PTGIS: variants seen among roughly 807,000 people sequenced by gnomAD.
PTGIS encodes the protein prostacyclin synthase.
Under a neutral mutation model 50.3 loss-of-function variants are expected in PTGIS, and 45 were observed. That is an observed-to-expected ratio of 0.90 (90% confidence interval 0.70 to 1.15). PTGIS has a LOEUF of 1.15. Ranked by LOEUF, PTGIS falls within the 50% of genes most tolerant of loss-of-function variation. The pLI is 0.00. For synonymous variants in PTGIS, 260 were observed against 267.7 expected, an observed-to-expected ratio of 0.97 and a Z score of 0.28; for missense variants, 668 against 661.3, an observed-to-expected ratio of 1.01 and a Z score of -0.11.
chr20:49,508,473 C>A lies in PTGIS; in HGVS notation c.1359-409G>T, dbSNP rs759571609. 2.6e-5 allele frequency among the ~76,000 whole-genome samples: 4 copies of A among 152,306 alleles called. No individual in the cohort carries two copies. The South Asian group carries it at 8.3e-4, about 32-fold the overall frequency. ...AGCCCTCCAATCCCACAGCTGATACCGTGTGAGTGGAACTACACCTCTGTT... is the reference window on the plus strand; with the variant it reads ...AGCCCTCCAATCCCACAGCTGATACAGTGTGAGTGGAACTACACCTCTGTT... On this transcript the variant is annotated intron_variant, in intron 9 of 9. Coordinates refer to ENST00000244043, the MANE Select transcript of PTGIS (RefSeq NM_000961.4).
rs114504337 is a variant in PTGIS, at chr20:49,562,864, G to A, written c.74+5179C>T. Among the ~76,000 whole-genome samples the A allele has an allele frequency of 7.3e-3, 1,117 of 152,274 alleles. 12 individuals carry two copies. Among genetic ancestry groups the A allele is most frequent in the African/African-American group, 0.025 (1,047 of 41,556 alleles). On this transcript the variant is annotated intron_variant, in intron 1 of 9. Coordinates refer to ENST00000244043, the MANE Select transcript of PTGIS (RefSeq NM_000961.4). ...GTCACCCGCCTCCATGCCCCCTGAC[G>A]TATCGCATCTTCACTAGATGGAAGA...
At chr20:49,567,883 GCGGGGCCC>G (rs1601210934) in intron 1 of PTGIS, among the ~76,000 whole-genome samples, 152 bp downstream of exon 1, 1 of 151,862 alleles carries the variant, frequency 6.6e-6, no homozygotes, top group African/African-American at 2.4e-5. Context: ...TCACCCACGT[GCGGGGCCC>G]CGGGACTCCC....
intron 1 of PTGIS, among the ~76,000 whole-genome samples, chr20:49,552,580 T>A (rs1282713790): frequency 6.6e-6 from 1 of 151,520 alleles, no homozygotes; most frequent in Non-Finnish European, 1.5e-5. Flanking sequence ...TATCTGATTT[T>A]CACCCAAGAG....
At chr20:49,523,419 T>C (rs1408741586) in intron 6 of PTGIS, among the ~76,000 whole-genome samples, 1 of 152,056 alleles carries the variant, frequency 6.6e-6, no homozygotes, top group Non-Finnish European at 1.5e-5. Context: ...GAGGCATATA[T>C]AGGAGTTCAT....
At chr20:49,529,533 CAT>C (rs1981880473) in intron 5 of PTGIS, among the ~76,000 whole-genome samples, 1 of 152,180 alleles carries the variant, frequency 6.6e-6, no homozygotes, top group East Asian at 1.9e-4. Context: ...TTCCATCACC[CAT>C]AGTCAACCAT....
chr20:49,547,169 T>C (rs150293641), intron 3 of PTGIS, among the ~76,000 whole-genome samples: 6,116 of 152,006 alleles, frequency 0.04, 349 homozygotes, highest in African/African-American at 0.13. Flanking sequence ...GAGGCGGAGG[T>C]TACAGTGAGC....
chr20:49,529,161 CTT>C (rs1021356790), intron 5 of PTGIS, among the ~76,000 whole-genome samples: 4 of 152,152 alleles, frequency 2.6e-5, no homozygotes, highest in African/African-American at 7.2e-5. Flanking sequence ...GATCCACTCT[CTT>C]AGCAAATTTC....
intron 1 of PTGIS, among the ~76,000 whole-genome samples, chr20:49,566,059 G>A (rs1465352316): frequency 6.6e-6 from 1 of 151,998 alleles, no homozygotes; most frequent in Admixed American, 6.6e-5. Context: ...GAGAAATCCT[G>A]TCTCTACTAA....
chr20:49,521,770 G>C (rs1043849152), intron 6 of PTGIS, among the ~76,000 whole-genome samples: 8 of 152,136 alleles, frequency 5.3e-5, no homozygotes, highest in African/African-American at 1.9e-4. Context: ...CCGTCGAAGT[G>C]GGGCCAAGAG....
At chr20:49,529,801 C>G (rs578035609) in intron 5 of PTGIS, among the ~76,000 whole-genome samples, 130 of 152,222 alleles carry the variant, frequency 8.5e-4, no homozygotes, top group Non-Finnish European at 1.6e-3. Context: ...TACAGTATAT[C>G]GTTATAATTG....
chr20:49,527,874 G>A (rs578242874), intron 5 of PTGIS, among the ~76,000 whole-genome samples: 2 of 151,856 alleles, frequency 1.3e-5, no homozygotes, highest in South Asian at 2.1e-4. Flanking sequence ...AGTGGCTCAC[G>A]CATGTAATCC....
chr20:49,544,470 T>C (rs759632774), intron 3 of PTGIS, 22 bp from the exon 4 acceptor site: 1 of 1,613,960 alleles, frequency 6.2e-7, no homozygotes, highest in Non-Finnish European at 8.5e-7. Context: ...AACAAAAGCA[T>C]GAAAATTTGG....
chr20:49,547,331 G>A (rs1982383435), intron 3 of PTGIS, among the ~76,000 whole-genome samples: 1 of 152,210 alleles, frequency 6.6e-6, no homozygotes, highest in Non-Finnish European at 1.5e-5. Flanking sequence ...CTGAGATCCA[G>A]TGGCTGCATC....
intron 6 of PTGIS, among the ~76,000 whole-genome samples, chr20:49,516,537 A>C (rs6019881): frequency 6.6e-6 from 1 of 152,202 alleles, no homozygotes; most frequent in African/African-American, 2.4e-5. Context: ...AGAGATGCTC[A>C]TGTTACAATA....
At chr20:49,522,241 T>C (rs1201195008) in intron 6 of PTGIS, among the ~76,000 whole-genome samples, 1 of 152,012 alleles carries the variant, frequency 6.6e-6, no homozygotes, top group Non-Finnish European at 1.5e-5. Flanking sequence ...TCTATCCCCA[T>C]ATCTTCTCCA....
At chr20:49,553,260 T>C (rs529368527) in intron 1 of PTGIS, among the ~76,000 whole-genome samples, 1 of 152,128 alleles carries the variant, frequency 6.6e-6, no homozygotes, top group Non-Finnish European at 1.5e-5. Flanking sequence ...ATTATCATTG[T>C]GTAACTTTTT....
rs1981193857 is a variant in PTGIS at position 49,507,828 on chromosome 20, C to A, written c.*92G>T. On this transcript the variant is annotated 3_prime_UTR_variant, in exon 10 of 10. Transcript: ENST00000244043. ...AAGTGGTAATGCTAGCACCTGCACC[C>A]GGGCCAACTGTGCACACAGAAAGCT... The A allele has an allele frequency of 3.8e-6, 6 of 1,559,236 alleles. No individual in the cohort carries two copies. Among genetic ancestry groups the A allele is most frequent in the Non-Finnish European group, 5.2e-6 (6 of 1,149,506 alleles).
intron 5 of PTGIS, among the ~76,000 whole-genome samples, chr20:49,534,681 T>A (rs1982026463): frequency 6.6e-6 from 1 of 152,224 alleles, no homozygotes; most frequent in South Asian, 2.1e-4. Context: ...ATCTCACCTC[T>A]CTGAGCCTCA....
intron 8 of PTGIS, 67 bp downstream of exon 8, chr20:49,513,013 G>A (rs981799571): frequency 6.3e-7 from 1 of 1,586,142 alleles, no homozygotes; most frequent in Non-Finnish European, 8.7e-7. Context: ...ACTCAGATCT[G>A]GCTCATCCCA....
Sources: gnomAD v4.1 joint callset for allele counts (sites outside exome capture counted in the v4.1 genomes callset) on GRCh38, gnomAD v4.1.1 for gene constraint, MANE v1.5 for transcripts, NCBI Gene and HGNC (gene_info 2026-07-23, HGNC 2026-07-21) for gene names.